AGBL4: variants seen among roughly 807,000 people sequenced by gnomAD.
AGBL4 encodes the protein cytosolic carboxypeptidase 6.
A neutral mutation model predicts 66.4 loss-of-function variants in AGBL4; 58 were observed. The ratio of observed to expected loss-of-function variants is 0.87; its 90% CI spans 0.71 to 1.09. The LOEUF (loss-of-function observed/expected upper bound fraction) is 1.09. Among genes scored for constraint, AGBL4 ranks in the 50% least tolerant of loss-of-function variants. AGBL4 has a pLI of 0.00. For missense variants in AGBL4, 579 were observed against 631.0 expected, an observed-to-expected ratio of 0.92 and a Z score of 0.88; for synonymous variants, 234 against 222.9, an observed-to-expected ratio of 1.05 and a Z score of -0.44.
intron 2 of AGBL4, among the ~76,000 whole-genome samples, chr1:49,833,918 A>G (rs1326239973): frequency 1.3e-5 from 2 of 152,156 alleles, no homozygotes; most frequent in African/African-American, 4.8e-5. Context: ...TTTTCTAGAT[A>G]TACAATCATG....
intron 12 of AGBL4, among the ~76,000 whole-genome samples, chr1:48,537,858 A>G (rs990241397): frequency 6.6e-6 from 1 of 152,232 alleles, no homozygotes; most frequent in Non-Finnish European, 1.5e-5. Context: ...CTAAGAATGA[A>G]CTGAGCATTT....
intron 5 of AGBL4, among the ~76,000 whole-genome samples, chr1:48,961,281 T>C (rs1657955718): frequency 6.6e-6 from 1 of 152,196 alleles, no homozygotes; most frequent in Non-Finnish European, 1.5e-5. Context: ...TTCCTGAGCA[T>C]AAATCATGGA....
At chr1:48,737,543 T>C (rs1649264313) in intron 6 of AGBL4, among the ~76,000 whole-genome samples, 1 of 152,186 alleles carries the variant, frequency 6.6e-6, no homozygotes, top group Non-Finnish European at 1.5e-5. Flanking sequence ...AAGTTCCTTC[T>C]GGCTCAAAAC....
intron 1 of AGBL4, among the ~76,000 whole-genome samples, chr1:50,004,287 C>A (rs1181164349): frequency 6.6e-6 from 1 of 152,140 alleles, no homozygotes; most frequent in African/African-American, 2.4e-5. Context: ...GTGGTTAGAA[C>A]CTGAGTTCCA....
chr1:49,568,170 G>A (rs772173359), intron 3 of AGBL4, among the ~76,000 whole-genome samples: 16 of 151,928 alleles, frequency 1.1e-4, no homozygotes, highest in Non-Finnish European at 1.8e-4. Flanking sequence ...AAAATAAAGG[G>A]CATCCAAATA....
intron 9 of AGBL4, among the ~76,000 whole-genome samples, chr1:48,611,456 T>G (rs1192086960): frequency 6.6e-6 from 1 of 152,232 alleles, no homozygotes; most frequent in Admixed American, 6.5e-5. Flanking sequence ...GGACAATTAC[T>G]TTTATTTTTT....
At chr1:49,007,399 G>A (rs1164244685) in intron 5 of AGBL4, among the ~76,000 whole-genome samples, 2 of 150,518 alleles carry the variant, frequency 1.3e-5, no homozygotes, top group East Asian at 3.9e-4. Context: ...ATCTACGTCT[G>A]ACTGGTGTAC....
At chr1:49,410,642 A>ATTCTTTG (rs1455702422) in intron 3 of AGBL4, among the ~76,000 whole-genome samples, 1 of 152,198 alleles carries the variant, frequency 6.6e-6, no homozygotes, top group African/African-American at 2.4e-5. Context: ...AACAAAGTTA[A>ATTCTTTG]TTCAGCTAGG....
At chr1:48,751,913 G>A (rs1225686103) in intron 6 of AGBL4, among the ~76,000 whole-genome samples, 2 of 152,106 alleles carry the variant, frequency 1.3e-5, no homozygotes, top group Non-Finnish European at 2.9e-5. Flanking sequence ...AAAATAATCT[G>A]GGATTATTTT....
At chr1:48,836,578 G>T (rs1003812939) in intron 6 of AGBL4, among the ~76,000 whole-genome samples, 1 of 152,008 alleles carries the variant, frequency 6.6e-6, no homozygotes, top group African/African-American at 2.4e-5. Flanking sequence ...AGGATCTTTG[G>T]TTGGAAGTTT....
intron 1 of AGBL4, among the ~76,000 whole-genome samples, chr1:49,887,024 C>A (rs1236914499): frequency 6.6e-6 from 1 of 151,762 alleles, no homozygotes; most frequent in Non-Finnish European, 1.5e-5. Context: ...CTGTGCTAGG[C>A]GTTGTGATAA....
intron 6 of AGBL4, among the ~76,000 whole-genome samples, chr1:48,772,482 G>GA (rs1491236178): frequency 3.3e-5 from 5 of 152,140 alleles, no homozygotes; most frequent in Admixed American, 1.3e-4. Flanking sequence ...AAAGGAGTGC[G>GA]AGAGAGTGTG....
chr1:49,139,138 C>A (rs758059264), intron 4 of AGBL4, among the ~76,000 whole-genome samples: 1 of 152,092 alleles, frequency 6.6e-6, no homozygotes, highest in Non-Finnish European at 1.5e-5. Flanking sequence ...CACCTCCTAC[C>A]AGGCCACTCC....
intron 5 of AGBL4, among the ~76,000 whole-genome samples, chr1:49,011,267 G>A (rs1662381885): frequency 6.6e-6 from 1 of 151,094 alleles, no homozygotes; most frequent in South Asian, 2.1e-4. Context: ...GCAGCCAAAA[G>A]ACACATGAAA....
At chr1:49,933,185 T>C (rs990756593) in intron 1 of AGBL4, among the ~76,000 whole-genome samples, 3 of 152,046 alleles carry the variant, frequency 2.0e-5, no homozygotes, top group East Asian at 3.9e-4. Flanking sequence ...TAAAAACAAA[T>C]AGTAATGTAC....
chr1:48,743,533 C>T (rs145057429), intron 6 of AGBL4, among the ~76,000 whole-genome samples: 41 of 152,290 alleles, frequency 2.7e-4, no homozygotes, highest in African/African-American at 7.7e-4. Context: ...GGCCAAATGA[C>T]TTGATTAACT....
At chr1:49,020,148 C>T (rs138411676) in intron 5 of AGBL4, among the ~76,000 whole-genome samples, 1 of 152,268 alleles carries the variant, frequency 6.6e-6, no homozygotes, top group Non-Finnish European at 1.5e-5. Flanking sequence ...TGCGATCTGT[C>T]TGACTCTAAA....
chr1:49,443,144 T>G (rs941095300), intron 3 of AGBL4, among the ~76,000 whole-genome samples: 5 of 152,160 alleles, frequency 3.3e-5, no homozygotes, highest in Admixed American at 1.3e-4. Flanking sequence ...TCCTGTTGAA[T>G]TGCTTGAGTT....
intron 3 of AGBL4, among the ~76,000 whole-genome samples, chr1:49,652,674 G>A (rs1571255234): frequency 6.6e-6 from 1 of 152,294 alleles, no homozygotes; most frequent in East Asian, 1.9e-4. Context: ...GGGCAATTTG[G>A]ACAAGGAGCA....
Sources: gnomAD v4.1 joint callset for allele counts (sites outside exome capture counted in the v4.1 genomes callset) on GRCh38, gnomAD v4.1.1 for gene constraint, MANE v1.5 for transcripts, NCBI Gene and HGNC (gene_info 2026-07-23, HGNC 2026-07-21) for gene names.